Variants in PPARGC1A observed in about 807,000 individuals in gnomAD.
PPARGC1A encodes peroxisome proliferator-activated receptor gamma coactivator 1-alpha.
Under a neutral mutation model 88.7 loss-of-function variants are expected in PPARGC1A, and 25 were observed. The observed-to-expected ratio is 0.28, with a 90% CI of 0.21 to 0.39. The LOEUF is 0.39. PPARGC1A is among the 10% of genes least tolerant of loss of function. The pLI is 1.00. For synonymous variants in PPARGC1A, 363 were observed against 355.6 expected, an observed-to-expected ratio of 1.02 and a Z score of -0.24; for missense variants, 880 against 968.7, an observed-to-expected ratio of 0.91 and a Z score of 1.22.
At chr4:23,837,092 T>C (rs1726159023) in intron 2 of PPARGC1A, among the ~76,000 whole-genome samples, 1 of 152,202 alleles carries the variant, frequency 6.6e-6, no homozygotes, top group African/African-American at 2.4e-5. Context: ...CTCTGTTTGA[T>C]AAAAATAGTT....
chr4:24,384,791 G>T, the PPARGC1A span, among the ~76,000 whole-genome samples: 1,026 of 152,088 alleles, frequency 6.7e-3, 12 homozygotes, highest in South Asian at 0.014. Flanking sequence ...CACAATAATA[G>T]TGGGAGACTT....
At chr4:24,353,450 A>C in the PPARGC1A span, among the ~76,000 whole-genome samples, 56 of 152,174 alleles carry the variant, frequency 3.7e-4, no homozygotes, top group East Asian at 0.01. Flanking sequence ...CAACTGAAGA[A>C]ACATTAAGGC....
intron 4 of PPARGC1A, among the ~76,000 whole-genome samples, chr4:23,828,947 T>A (rs1246071177): frequency 6.6e-6 from 1 of 152,158 alleles, no homozygotes; most frequent in East Asian, 1.9e-4. Context: ...TACTCACAAC[T>A]CTCTTAAGTA....
chr4:24,444,425 C>T, the PPARGC1A span, among the ~76,000 whole-genome samples: 4 of 151,674 alleles, frequency 2.6e-5, no homozygotes, highest in East Asian at 7.8e-4. Context: ...GTCTACTGCA[C>T]TTATCCAAGC....
the PPARGC1A span, among the ~76,000 whole-genome samples, chr4:23,993,615 G>C: frequency 6.6e-6 from 1 of 152,112 alleles, no homozygotes; most frequent in African/African-American, 2.4e-5. Context: ...TGTTGAAACT[G>C]AGGCGTGGAA....
At chr4:24,471,015 C>G in the PPARGC1A span, among the ~76,000 whole-genome samples, 1 of 151,456 alleles carries the variant, frequency 6.6e-6, no homozygotes, top group Non-Finnish European at 1.5e-5. This position sits in a 1 kb window ranked among gnomAD's most constrained non-coding sequence, Gnocchi z 5.4. Context: ...GCGCCCCGGG[C>G]CCGGGAGGGA....
the PPARGC1A span, among the ~76,000 whole-genome samples, chr4:24,323,508 C>T: frequency 7.9e-5 from 12 of 152,338 alleles, no homozygotes; most frequent in South Asian, 2.1e-3. Flanking sequence ...CACTGAGCAC[C>T]TTGTGACCCC....
At chr4:24,338,520 G>T in the PPARGC1A span, among the ~76,000 whole-genome samples, 1 of 152,090 alleles carries the variant, frequency 6.6e-6, no homozygotes, top group Non-Finnish European at 1.5e-5. Flanking sequence ...AAGCCTCCGT[G>T]CTTCATCCAA....
chr4:24,280,828 C>T, the PPARGC1A span, among the ~76,000 whole-genome samples: 1 of 152,212 alleles, frequency 6.6e-6, no homozygotes, highest in Non-Finnish European at 1.5e-5. Flanking sequence ...TCGTCTTTGG[C>T]ATTCTGGGAC....
At chr4:24,318,458 G>A in the PPARGC1A span, among the ~76,000 whole-genome samples, 1 of 152,182 alleles carries the variant, frequency 6.6e-6, no homozygotes, top group Non-Finnish European at 1.5e-5. Flanking sequence ...CATCAGAAAA[G>A]GCAAAGTAAG....
the PPARGC1A span, among the ~76,000 whole-genome samples, chr4:24,127,153 C>T: frequency 3.9e-5 from 6 of 152,146 alleles, no homozygotes; most frequent in African/African-American, 1.4e-4. Flanking sequence ...GAACACCATG[C>T]CCTTTTTATC....
At chr4:24,052,943 A>C in the PPARGC1A span, among the ~76,000 whole-genome samples, 1 of 131,870 alleles carries the variant, frequency 7.6e-6, no homozygotes, top group Non-Finnish European at 1.5e-5. Flanking sequence ...GGCTCACTGC[A>C]AGCTCCACCT....
the PPARGC1A span, among the ~76,000 whole-genome samples, chr4:24,431,356 G>A: frequency 6.6e-6 from 1 of 152,050 alleles, no homozygotes; most frequent in Non-Finnish European, 1.5e-5. Context: ...GTTTGTACTT[G>A]GTAAATATGA....
chr4:24,192,041 C>A, the PPARGC1A span, among the ~76,000 whole-genome samples: 2 of 152,170 alleles, frequency 1.3e-5, no homozygotes, highest in African/African-American at 4.8e-5. Flanking sequence ...TTGTATCCCA[C>A]CTCTAAGTTT....
chr4:24,299,762 A>G, the PPARGC1A span, among the ~76,000 whole-genome samples: 1 of 152,154 alleles, frequency 6.6e-6, no homozygotes, highest in South Asian at 2.1e-4. Flanking sequence ...GAAGCATGTC[A>G]CTCATCTATT....
At chr4:23,975,141 T>C in the PPARGC1A span, among the ~76,000 whole-genome samples, 1 of 152,128 alleles carries the variant, frequency 6.6e-6, no homozygotes, top group Non-Finnish European at 1.5e-5. Flanking sequence ...TTTTCTGCCC[T>C]TGGTTTCTTT....
chr4:24,432,191 G>A, the PPARGC1A span, among the ~76,000 whole-genome samples: 4 of 152,158 alleles, frequency 2.6e-5, no homozygotes, highest in South Asian at 2.1e-4. Context: ...GTAAGGTAGC[G>A]GTAAAGGTGG....
chr4:24,204,381 T>A, the PPARGC1A span, among the ~76,000 whole-genome samples: 14 of 151,930 alleles, frequency 9.2e-5, no homozygotes, highest in Non-Finnish European at 1.5e-4. Flanking sequence ...CACCATTGTA[T>A]CTCCAGCCTG....
intron 2 of PPARGC1A, among the ~76,000 whole-genome samples, chr4:23,857,586 T>C (rs1362290275): frequency 6.6e-6 from 1 of 151,808 alleles, no homozygotes; most frequent in African/African-American, 2.4e-5. Flanking sequence ...GTCAAACACT[T>C]TGTGCTGACA....
Sources: allele counts gnomAD v4.1 joint callset (sites outside exome capture counted in the v4.1 genomes callset), GRCh38; gene constraint gnomAD v4.1.1; non-coding constraint Gnocchi (gnomAD v3.1); transcripts MANE v1.5; gene names NCBI Gene and HGNC (gene_info 2026-07-23, HGNC 2026-07-21).